XPO7: variants seen among roughly 807,000 people sequenced by gnomAD.
The protein encoded by XPO7 is exportin-7.
Under a neutral mutation model 144.3 loss-of-function variants are expected in XPO7, and 21 were observed. The observed-to-expected ratio is 0.15, with a 90% CI of 0.10 to 0.21. The LOEUF (loss-of-function observed/expected upper bound fraction) is 0.21, where lower values mean the gene tolerates loss of function less well. XPO7 is among the 10% of genes least tolerant of loss of function. The pLI, the probability that XPO7 is intolerant of heterozygous loss-of-function variation, is 1.00. For synonymous variants in XPO7, 580 were observed against 499.6 expected, an observed-to-expected ratio of 1.16 and a Z score of -2.15; for missense variants, 808 against 1,325.8, an observed-to-expected ratio of 0.61 and a Z score of 6.06.
chr8:21,958,161 A>T (rs997343617), intron 1 of XPO7, among the ~76,000 whole-genome samples: 1 of 152,138 alleles, frequency 6.6e-6, no homozygotes, highest in Non-Finnish European at 1.5e-5. Context: ...TTATGTTTCT[A>T]TGGAGAAGTA....
chr8:21,970,041 T>C, intron 3 of XPO7, 103 bp from the exon 4 acceptor site: 1 of 1,333,380 alleles, frequency 7.5e-7, no homozygotes, highest in Non-Finnish European at 1.0e-6. Context: ...ATAGTCTAAA[T>C]TTATAATTTC....
In XPO7 at chr8:21,919,732, G is replaced by A. The variant is rs756534634; in HGVS notation, c.-39G>A. 7 of 390,840 alleles carry A rather than the reference G, an allele frequency of 1.8e-5. No homozygotes were observed. Among genetic ancestry groups the A allele is most frequent in the African/African-American group, 4.4e-5 (2 of 45,778 alleles). 24.2% of individuals were successfully genotyped at this position (390,840 alleles called of 1,614,324 possible). A position where few individuals can be genotyped will look rare whatever the true frequency, so the allele number is the denominator to read the frequency against. On this transcript the variant is annotated 5_prime_UTR_variant, in exon 1 of 28. Coordinates refer to ENST00000252512, the MANE Select transcript of XPO7 (RefSeq NM_015024.5). ...CGGCTCCGGCCGAGGTGCGCGCTGG[G>A]GGGGAGGGGGGGCCGGAGAGGAGCA...
At chr8:21,980,478 A>G (rs1812368351) in intron 9 of XPO7, among the ~76,000 whole-genome samples, 1 of 152,178 alleles carries the variant, frequency 6.6e-6, no homozygotes, top group Admixed American at 6.5e-5. Context: ...CAAGAAGTTA[A>G]GACTCTAACA....
At chr8:21,933,331 A>G (rs949389025) in intron 1 of XPO7, among the ~76,000 whole-genome samples, 1 of 151,902 alleles carries the variant, frequency 6.6e-6, no homozygotes, top group African/African-American at 2.4e-5. Context: ...TGATCTCCTG[A>G]CCTCGTGATC....
At chr8:21,971,259 TAAC>T (rs1812054763) in intron 4 of XPO7, among the ~76,000 whole-genome samples, 1 of 152,192 alleles carries the variant, frequency 6.6e-6, no homozygotes, top group Non-Finnish European at 1.5e-5. Context: ...AATCCTCTAA[TAAC>T]ACATTTCGTA....
chr8:21,993,859 A>T (rs1812847007), intron 19 of XPO7, among the ~76,000 whole-genome samples: 3 of 148,748 alleles, frequency 2.0e-5, no homozygotes, highest in African/African-American at 5.0e-5. Context: ...CTTCTTTGGG[A>T]CTTCTGTTTT....
intron 5 of XPO7, 35 bp downstream of exon 5, chr8:21,971,976 C>T (rs774066538): frequency 2.5e-6 from 4 of 1,599,900 alleles, no homozygotes; most frequent in East Asian, 4.5e-5. Context: ...GAAGTAAGTG[C>T]CATATTTTTT....
intron 11 of XPO7, 123 bp from the exon 12 acceptor site, chr8:21,984,523 G>A (rs1436298143): frequency 1.1e-6 from 1 of 883,526 alleles, no homozygotes; most frequent in Admixed American, 2.9e-5. Context: ...TAAAAGTAAT[G>A]TCGGGATGTA....
rs530465393 is a variant in XPO7 at position 21,991,726 on chromosome 8, A to G, written c.2042-142A>G. ...TTCTATATATACATGTTGCTCTTAC[A>G]TTGCTACTAATACCTGTTGGGATAA... On this transcript the variant is annotated intron_variant, in intron 18 of 27. Coordinates refer to ENST00000252512, the MANE Select transcript of XPO7 (RefSeq NM_015024.5). 8 of 556,076 alleles carry G rather than the reference A, an allele frequency of 1.4e-5. No homozygotes were observed. In the African/African-American group the frequency reaches 1.5e-4, roughly 11 times the overall value. 34.4% of individuals were successfully genotyped at this position (556,076 alleles called of 1,614,324 possible). A position where few individuals can be genotyped will look rare whatever the true frequency, so the allele number is the denominator to read the frequency against.
At chr8:21,966,185 T>C in intron 1 of XPO7, 1 of 702,148 alleles carries the variant, frequency 1.4e-6, no homozygotes, top group Non-Finnish European at 2.6e-6. Flanking sequence ...GTCTTATCTG[T>C]GAGTGAGCAT....
chr8:21,992,031 T>C (rs1812788707), intron 19 of XPO7, 57 bp downstream of exon 19: 2 of 1,406,642 alleles, frequency 1.4e-6, no homozygotes, highest in East Asian at 2.4e-5. Flanking sequence ...CAGTCTCTGA[T>C]TGAAAATCGT....
intron 24 of XPO7, among the ~76,000 whole-genome samples, chr8:22,000,174 C>T (rs1006449354): frequency 6.6e-6 from 1 of 152,186 alleles, no homozygotes; most frequent in African/African-American, 2.4e-5. Flanking sequence ...GCAGAGACAG[C>T]AAGCACTTGC....
At chr8:21,933,335 C>T (rs1236972706) in intron 1 of XPO7, among the ~76,000 whole-genome samples, 2 of 151,950 alleles carry the variant, frequency 1.3e-5, no homozygotes, top group Admixed American at 6.6e-5. Flanking sequence ...CTCCTGACCT[C>T]GTGATCTGCC....
Position 21,990,797 on chromosome 8 carries a change from C to T in XPO7, c.1933-14C>T. The T allele has an allele frequency of 2.5e-6, 4 of 1,612,826 alleles. No homozygotes were observed. Among genetic ancestry groups the T allele is most frequent in the African/African-American group, 1.3e-5 (1 of 74,954 alleles). ...CATGTTTTTACCTTTAACTTCTTTT[C>T]TTTTTTTCAATAGAGCGAGCACTTT... On this transcript the variant is annotated splice_polypyrimidine_tract_variant and intron_variant, in intron 17 of 27. Coordinates refer to ENST00000252512, the MANE Select transcript of XPO7 (RefSeq NM_015024.5).
intron 20 of XPO7, 31 bp from the exon 21 acceptor site, chr8:21,995,461 C>A: frequency 6.4e-7 from 1 of 1,557,378 alleles, no homozygotes; most frequent in Non-Finnish European, 8.7e-7. Flanking sequence ...TTTCTGGAAT[C>A]AGAAATCTTT....
intron 16 of XPO7, among the ~76,000 whole-genome samples, chr8:21,989,410 CCTT>C (rs1446503266): frequency 2.0e-5 from 3 of 152,178 alleles, no homozygotes; most frequent in African/African-American, 7.2e-5. Context: ...GAGACAAACT[CCTT>C]CTTAGGTTGT....
At chr8:21,975,775 G>A (rs1368191195) in intron 6 of XPO7, among the ~76,000 whole-genome samples, 1 of 152,156 alleles carries the variant, frequency 6.6e-6, no homozygotes, top group Non-Finnish European at 1.5e-5. Context: ...AGCCAGTCAC[G>A]GAGGCTCAGC....
intron 1 of XPO7, among the ~76,000 whole-genome samples, chr8:21,922,621 GTGA>G (rs1810325976): frequency 6.6e-6 from 1 of 152,164 alleles, no homozygotes; most frequent in Admixed American, 6.5e-5. Flanking sequence ...GTGAACAGTG[GTGA>G]TGAAGAAGAT....
Position 21,976,526 on chromosome 8 carries a change from C to T in XPO7, c.763+5C>T. The T allele has an allele frequency of 6.2e-7, 1 of 1,608,688 alleles. No homozygotes were observed. Among genetic ancestry groups the T allele is most frequent in the Non-Finnish European group, 8.5e-7 (1 of 1,176,942 alleles). On this transcript the variant is annotated splice_donor_5th_base_variant and intron_variant, in intron 7 of 27. Transcript: ENST00000252512. Reference sequence around the variant, plus strand: ...TTCCCACCAGCTGGAGATCAGGTAACAGAACTTCCTCCACCTCAAAGGCTG... The same window carrying T: ...TTCCCACCAGCTGGAGATCAGGTAATAGAACTTCCTCCACCTCAAAGGCTG...
Sources: allele counts gnomAD v4.1 joint callset (sites outside exome capture counted in the v4.1 genomes callset), GRCh38; gene constraint gnomAD v4.1.1; transcripts MANE v1.5; gene names NCBI Gene and HGNC (gene_info 2026-07-23, HGNC 2026-07-21).